Variants in APBA1 observed in about 807,000 individuals in gnomAD.
The protein encoded by APBA1 is amyloid beta precursor protein binding family A member 1.
APBA1 carries 55 observed loss-of-function variants against 86.6 expected under a neutral mutation model. The observed-to-expected ratio is 0.64, with a 90% CI of 0.51 to 0.80. The LOEUF (loss-of-function observed/expected upper bound fraction) is 0.80. APBA1 is among the 30% of genes least tolerant of loss of function. APBA1 has a pLI of 0.00. For missense variants in APBA1, 1,090 were observed against 1,183.0 expected (o/e 0.92, Z 1.15); for synonymous variants, 511 against 493.9 (o/e 1.03, Z -0.46).
chr9:69,486,495 T>C (rs1232256905), intron 2 of APBA1, among the ~76,000 whole-genome samples: 1 of 151,950 alleles, frequency 6.6e-6, no homozygotes, highest in African/African-American at 2.4e-5. Context: ...AGGAGGCAGA[T>C]ATGGAAAAGC....
Position 69,430,741 on chromosome 9 carries a change from C to G in APBA1, c.*586G>C, listed in dbSNP as rs1028500439. On this transcript the variant is annotated 3_prime_UTR_variant, in exon 13 of 13. Transcript: ENST00000265381. ...GGGTGAGAAGGCTCGTATTAGAAAA[C>G]ACACATACGTTGAAATTAGAACTAG... 6.6e-6 allele frequency: 1 copy of G among 152,524 alleles called. No homozygotes were observed. The highest frequency in any genetic ancestry group is 1.5e-5 in the Non-Finnish European group (1 of 68,044). 9.4% of individuals were successfully genotyped at this position (152,524 alleles called of 1,614,324 possible).
chr9:69,432,676 T>A lies in APBA1; in HGVS notation c.2302A>T (p.Ile768Phe). Residue 768 changes from isoleucine (I) to phenylalanine (F), a missense_variant and splice_region_variant, in exon 12 of 13, where the codon ATC becomes TTC. Around this residue, in one of 6 missense-constraint regions of APBA1, gnomAD observed 119 missense variants for 124.8 expected, o/e 0.95. Coordinates refer to ENST00000265381, the MANE Select transcript of APBA1 (RefSeq NM_001163.4). ...QLGFSVQNGIICSLMRGGIAE... is the reference protein window; with the variant it reads ...QLGFSVQNGIFCSLMRGGIAE... ...ATTCCCCCTCGCATGAGGCTGCAGA[T>A]CTGCCAGAGTCAAAGGCAGAGTTAC... The A allele has an allele frequency of 6.3e-7, 1 of 1,575,628 alleles. No individual in the cohort carries two copies. Among genetic ancestry groups the A allele is most frequent in the African/African-American group, 1.4e-5 (1 of 73,926 alleles).
At chr9:69,628,001 C>T (rs957004934) in intron 1 of APBA1, among the ~76,000 whole-genome samples, 24 of 152,032 alleles carry the variant, frequency 1.6e-4, no homozygotes, top group African/African-American at 5.6e-4. Flanking sequence ...TGACCTGTGA[C>T]TTGTTTCTAA....
intron 2 of APBA1, among the ~76,000 whole-genome samples, chr9:69,503,270 A>G (rs888476774): frequency 6.6e-6 from 1 of 152,106 alleles, no homozygotes; most frequent in Non-Finnish European, 1.5e-5. Context: ...CATGAATATA[A>G]TTTTAAAAGT....
intron 1 of APBA1, among the ~76,000 whole-genome samples, chr9:69,556,371 G>C (rs571287262): frequency 7.9e-5 from 12 of 152,172 alleles, no homozygotes; most frequent in African/African-American, 2.6e-4. Context: ...GTATAAGAAG[G>C]CAGAGAGATC....
At chr9:69,500,598 A>G (rs1472792066) in intron 2 of APBA1, among the ~76,000 whole-genome samples, 1 of 152,122 alleles carries the variant, frequency 6.6e-6, no homozygotes, top group Non-Finnish European at 1.5e-5. Flanking sequence ...TGAATTACAG[A>G]GGCAACAGGT....
intron 1 of APBA1, among the ~76,000 whole-genome samples, chr9:69,533,824 A>G (rs1438543908): frequency 6.6e-6 from 1 of 152,238 alleles, no homozygotes; most frequent in Non-Finnish European, 1.5e-5. Flanking sequence ...AACAAGTTCT[A>G]TATTTTACAG....
At chr9:69,666,244 T>C (rs1373544133) in intron 1 of APBA1, among the ~76,000 whole-genome samples, 2 of 152,102 alleles carry the variant, frequency 1.3e-5, no homozygotes, top group African/African-American at 4.8e-5. Flanking sequence ...ATGCCAAACA[T>C]GTTCTTATCC....
intron 1 of APBA1, among the ~76,000 whole-genome samples, chr9:69,657,183 C>A (rs1434409430): frequency 6.6e-6 from 1 of 152,190 alleles, no homozygotes; most frequent in Non-Finnish European, 1.5e-5. Context: ...AAATTTTATT[C>A]CCATGGGGAA....
intron 5 of APBA1, chr9:69,460,574 A>G (rs1835173578): frequency 6.6e-6 from 1 of 152,174 alleles, no homozygotes; most frequent in African/African-American, 2.4e-5. Context: ...CTGTTGGTCA[A>G]AATTCTTCAA....
intron 1 of APBA1, among the ~76,000 whole-genome samples, chr9:69,628,859 C>T (rs537277848): frequency 2.6e-5 from 4 of 152,248 alleles, no homozygotes; most frequent in Admixed American, 1.3e-4. Context: ...CCTGTGAACT[C>T]ATGTAATAGT....
At chr9:69,564,626 T>A (rs1836997096) in intron 1 of APBA1, among the ~76,000 whole-genome samples, 1 of 152,142 alleles carries the variant, frequency 6.6e-6, no homozygotes, top group South Asian at 2.1e-4. Context: ...GTAGGAGACA[T>A]CACTTCACAC....
At chr9:69,631,124 C>T (rs7849891) in intron 1 of APBA1, among the ~76,000 whole-genome samples, 134,070 of 152,244 alleles carry the variant, frequency 0.88, 60,234 homozygotes, top group East Asian at 1. Context: ...AGATGCTACT[C>T]TGCTGTTAGT....
chr9:69,668,520 A>G (rs1458296816), intron 1 of APBA1, among the ~76,000 whole-genome samples: 1 of 151,992 alleles, frequency 6.6e-6, no homozygotes, highest in Admixed American at 6.6e-5. Flanking sequence ...GCCTTTTCCC[A>G]TGTCATTCCA....
intron 1 of APBA1, among the ~76,000 whole-genome samples, chr9:69,523,740 C>T (rs374998120): frequency 1.3e-4 from 20 of 151,818 alleles, no homozygotes; most frequent in African/African-American, 2.7e-4. Context: ...AAGACATCTA[C>T]GGAATACTTC....
At chr9:69,665,353 A>G (rs939080391) in intron 1 of APBA1, among the ~76,000 whole-genome samples, 3 of 152,158 alleles carry the variant, frequency 2.0e-5, no homozygotes, top group African/African-American at 7.2e-5. Context: ...TCTCTCAGAT[A>G]AACTATTCTG....
intron 11 of APBA1, among the ~76,000 whole-genome samples, chr9:69,440,433 C>T (rs10120192): frequency 1.7e-4 from 26 of 150,408 alleles, no homozygotes; most frequent in Non-Finnish European, 2.8e-4. Context: ...GGCTCCACCC[C>T]GTTCGAGCTT....
intron 1 of APBA1, among the ~76,000 whole-genome samples, chr9:69,519,579 A>G (rs929204190): frequency 2.6e-5 from 4 of 152,222 alleles, no homozygotes; most frequent in African/African-American, 9.6e-5. Context: ...GTGAGCATTC[A>G]CAGAAAGGGA....
chr9:69,522,726 G>T (rs1836273531), intron 1 of APBA1, among the ~76,000 whole-genome samples: 1 of 152,146 alleles, frequency 6.6e-6, no homozygotes, highest in South Asian at 2.1e-4. Context: ...GTTCTTATGG[G>T]TTCTGGATTT....
Sources: gnomAD v4.1 joint callset for allele counts (sites outside exome capture counted in the v4.1 genomes callset) on GRCh38, gnomAD v4.1.1 for gene constraint, gnomAD v4.1.1 regional missense constraint, MANE v1.5 for transcripts, NCBI Gene and HGNC (gene_info 2026-07-23, HGNC 2026-07-21) for gene names.